EFCAB6: variants seen among roughly 807,000 people sequenced by gnomAD.
EFCAB6 encodes EF-hand calcium binding domain 6.
Under a neutral mutation model 169.8 loss-of-function variants are expected in EFCAB6, and 156 were observed. The observed-to-expected ratio is 0.92, with a 90% CI of 0.81 to 1.05. The LOEUF is 1.05. Among genes scored for constraint, EFCAB6 ranks in the 50% least tolerant of loss-of-function variants. The pLI is 0.00. For synonymous variants in EFCAB6, 698 were observed against 676.4 expected (o/e 1.03, Z -0.50); for missense variants, 1,800 against 1,829.1 (o/e 0.98, Z 0.29).
intron 3 of EFCAB6, among the ~76,000 whole-genome samples, chr22:43,775,174 G>A (rs1009891280): frequency 1.3e-5 from 2 of 152,160 alleles, no homozygotes; most frequent in African/African-American, 4.8e-5. Flanking sequence ...TGGAACACCT[G>A]CGTCTGGCCT....
At chr22:43,658,717 C>T (rs1344351837) in intron 17 of EFCAB6, among the ~76,000 whole-genome samples, 1 of 152,140 alleles carries the variant, frequency 6.6e-6, no homozygotes, top group Non-Finnish European at 1.5e-5. Context: ...GGTGGAAGGA[C>T]ATTGCTGGAG....
chr22:43,595,118 A>T (rs561344060), intron 23 of EFCAB6, among the ~76,000 whole-genome samples: 1 of 152,150 alleles, frequency 6.6e-6, no homozygotes, highest in Non-Finnish European at 1.5e-5. Flanking sequence ...TATGGGATGC[A>T]GCAAAAGCAG....
rs76994183 is a variant in EFCAB6 at position 43,747,171 on chromosome 22, C to A, written c.507+8595G>T. Among the ~76,000 whole-genome samples the A allele has an allele frequency of 8.3e-4, 126 of 152,370 alleles. 1 individual carries two copies. The highest frequency in any genetic ancestry group is 1.4e-3 in the Non-Finnish European group (95 of 68,038). ...TCACCTAAGAAATAGACCAGAATCACATTTTAGAGTAGAAAAAGACTTTGT... is the reference window on the plus strand; with the variant it reads ...TCACCTAAGAAATAGACCAGAATCAAATTTTAGAGTAGAAAAAGACTTTGT... On this transcript the variant is annotated intron_variant, in intron 6 of 31. Coordinates refer to ENST00000262726, the MANE Select transcript of EFCAB6 (RefSeq NM_022785.4).
intron 10 of EFCAB6, among the ~76,000 whole-genome samples, chr22:43,704,705 T>C (rs1413123084): frequency 6.6e-6 from 1 of 152,120 alleles, no homozygotes; most frequent in Non-Finnish European, 1.5e-5. Context: ...TATGTAAGTA[T>C]AAAATTTCTA....
chr22:43,543,513 C>A (rs149635549), intron 27 of EFCAB6, among the ~76,000 whole-genome samples: 1 of 152,196 alleles, frequency 6.6e-6, no homozygotes, highest in East Asian at 1.9e-4. Context: ...GGGGTAAGAA[C>A]CCCTCCTTCC....
At chr22:43,691,041 C>T (rs556833436) in intron 10 of EFCAB6, among the ~76,000 whole-genome samples, 16 of 152,078 alleles carry the variant, frequency 1.1e-4, no homozygotes, top group African/African-American at 3.9e-4. Context: ...GCAGCTAATA[C>T]TTGATAAATG....
intron 15 of EFCAB6, among the ~76,000 whole-genome samples, chr22:43,670,440 G>A (rs2057439083): frequency 6.6e-6 from 1 of 152,144 alleles, no homozygotes; most frequent in South Asian, 2.1e-4. Flanking sequence ...AAAGTACCAA[G>A]GACTGCTGTA....
intron 28 of EFCAB6, among the ~76,000 whole-genome samples, chr22:43,539,224 TCA>T (rs2047552704): frequency 6.6e-6 from 1 of 152,188 alleles, no homozygotes; most frequent in African/African-American, 2.4e-5. Context: ...GACAACATAG[TCA>T]CAGCTTCCAA....
At chr22:43,785,502 A>C (rs1285837822) in intron 2 of EFCAB6, among the ~76,000 whole-genome samples, 1 of 152,214 alleles carries the variant, frequency 6.6e-6, no homozygotes, top group African/African-American at 2.4e-5. Flanking sequence ...TACAGGATGC[A>C]GCTAAAACAG....
chr22:43,752,907 C>T (rs971261696), intron 6 of EFCAB6, among the ~76,000 whole-genome samples: 8 of 152,276 alleles, frequency 5.3e-5, no homozygotes, highest in Admixed American at 3.3e-4. Context: ...CAGATAAAGA[C>T]GGCCACAGCA....
chr22:43,728,221 G>A (rs2059808234), intron 8 of EFCAB6, among the ~76,000 whole-genome samples: 1 of 152,112 alleles, frequency 6.6e-6, no homozygotes, highest in Admixed American at 6.5e-5. Flanking sequence ...CTTCATCCAT[G>A]TACCAGCAAA....
intron 29 of EFCAB6, chr22:43,536,722 C>T (rs1969691522): frequency 6.6e-6 from 1 of 152,140 alleles, no homozygotes; most frequent in South Asian, 2.1e-4. Context: ...GCCTGTAATC[C>T]CAGCTACTTG....
At position 43,534,705 on chromosome 22, in the gene EFCAB6, G is replaced by A. The variant is rs2047283875; in HGVS notation, c.4216C>T (p.Gln1406Ter). The change falls in exon 30 of 32, where the codon CAG becomes TAG. Residue 1406 changes from glutamine (Q) to a stop codon, truncating the protein, a stop_gained. Transcript: ENST00000262726. LOFTEE classifies it high-confidence loss of function. Reference sequence around the variant, plus strand: ...CAACATACCATCTTGTGTGCATTCTGGATCTTCATCCTGTGCATCAGTGAG... The same window carrying A: ...CAACATACCATCTTGTGTGCATTCTAGATCTTCATCCTGTGCATCAGTGAG... The part of the protein sequence containing the change: ...ESSLMHRMKI[Q>*]NAHKMKEAGA... 1 of 1,608,300 alleles carries A rather than the reference G, an allele frequency of 6.2e-7. No individual in the cohort carries two copies. Among genetic ancestry groups the A allele is most frequent in the South Asian group, 1.1e-5 (1 of 89,622 alleles).
At chr22:43,708,667 A>T (rs935463454) in intron 10 of EFCAB6, among the ~76,000 whole-genome samples, 2 of 152,222 alleles carry the variant, frequency 1.3e-5, no homozygotes, top group African/African-American at 4.8e-5. Flanking sequence ...GATATACCTG[A>T]CAAATACTAA....
At chr22:43,740,699 G>A (rs561207812) in intron 6 of EFCAB6, among the ~76,000 whole-genome samples, 35 of 152,272 alleles carry the variant, frequency 2.3e-4, no homozygotes, top group South Asian at 1.2e-3. Flanking sequence ...GAGTGCAGCC[G>A]AGAGGGAAAG....
At chr22:43,698,096 T>C (rs2058640832) in intron 10 of EFCAB6, among the ~76,000 whole-genome samples, 1 of 152,176 alleles carries the variant, frequency 6.6e-6, no homozygotes, top group East Asian at 1.9e-4. Context: ...AGAAAACTGC[T>C]GCTTGTTCAT....
At position 43,632,160 on chromosome 22, in the gene EFCAB6, A is replaced by C; in HGVS notation, c.2177T>G (p.Ile726Ser). ...PSKSYVNSHF[I>S]TAEECLKLFP... Reference sequence around the variant, plus strand: ...AAGCTTCAGGCATTCTTCTGCGGTGATAAAGTGGCTGTTCACGTAACTTTT... The same window carrying C: ...AAGCTTCAGGCATTCTTCTGCGGTGCTAAAGTGGCTGTTCACGTAACTTTT... The change falls in exon 19 of 32, where the codon ATC (isoleucine) becomes AGC (serine). Residue 726 changes from isoleucine (I) to serine (S), a missense_variant. Coordinates refer to ENST00000262726, the MANE Select transcript of EFCAB6 (RefSeq NM_022785.4). The C allele has an allele frequency of 6.2e-7, 1 of 1,614,194 alleles. No homozygotes were observed. The highest frequency in any genetic ancestry group is 8.5e-7 in the Non-Finnish European group (1 of 1,180,040).
chr22:43,676,257 C>T (rs961905658), intron 13 of EFCAB6, among the ~76,000 whole-genome samples: 6 of 151,396 alleles, frequency 4.0e-5, no homozygotes, highest in African/African-American at 1.5e-4. Flanking sequence ...CTCTACTAAA[C>T]ATACAAAAAA....
intron 26 of EFCAB6, among the ~76,000 whole-genome samples, chr22:43,566,438 C>T (rs2049434347): frequency 6.6e-6 from 1 of 152,208 alleles, no homozygotes; most frequent in Admixed American, 6.5e-5. Context: ...AAACTGACCC[C>T]AGAGTACCAG....
Sources: allele counts gnomAD v4.1 joint callset (sites outside exome capture counted in the v4.1 genomes callset), GRCh38; gene constraint gnomAD v4.1.1; transcripts MANE v1.5; gene names NCBI Gene and HGNC (gene_info 2026-07-23, HGNC 2026-07-21).